STARD13: variants seen among roughly 807,000 people sequenced by gnomAD.
STARD13 encodes stAR-related lipid transfer protein 13.
In STARD13, 62 loss-of-function variants were observed where a neutral mutation model predicts 106.4. The observed-to-expected ratio is 0.58, with a 90% CI of 0.48 to 0.72. STARD13 has a LOEUF of 0.72. Among genes scored for constraint, STARD13 ranks in the 30% least tolerant of loss-of-function variants. STARD13 has a pLI of 0.00. For synonymous variants in STARD13, 565 were observed against 553.0 expected (o/e 1.02, Z -0.31); for missense variants, 1,387 against 1,424.0 (o/e 0.97, Z 0.42).
At chr13:33,503,333 C>G in the STARD13 span, among the ~76,000 whole-genome samples, 1 of 152,154 alleles carries the variant, frequency 6.6e-6, no homozygotes, top group Non-Finnish European at 1.5e-5. Flanking sequence ...AAAAAACCAG[C>G]TCCTGGATTC....
chr13:33,589,392 G>T, the STARD13 span, among the ~76,000 whole-genome samples: 1 of 152,060 alleles, frequency 6.6e-6, no homozygotes, highest in Admixed American at 6.5e-5. Context: ...TGTGATGTTA[G>T]GGTGTCAATT....
intron 3 of STARD13, among the ~76,000 whole-genome samples, chr13:33,142,729 T>G (rs1329961000): frequency 3.9e-5 from 6 of 152,236 alleles, no homozygotes; most frequent in Admixed American, 2.6e-4. Flanking sequence ...ATCAAGTCTA[T>G]CCCGTTAACC....
chr13:33,647,651 T>G, the STARD13 span, among the ~76,000 whole-genome samples: 3 of 152,212 alleles, frequency 2.0e-5, no homozygotes, highest in Non-Finnish European at 4.4e-5. Context: ...GTTTGACATA[T>G]CTAGGTTGTT....
chr13:33,407,388 G>A, the STARD13 span, among the ~76,000 whole-genome samples: 1 of 152,144 alleles, frequency 6.6e-6, no homozygotes, highest in South Asian at 2.1e-4. Context: ...GAGGTAAAGC[G>A]CTTCGGGTAC....
chr13:33,616,748 T>C, the STARD13 span, among the ~76,000 whole-genome samples: 171 of 152,352 alleles, frequency 1.1e-3, no homozygotes, highest in Middle Eastern at 0.014. Context: ...TATGCTGTAG[T>C]AATTAAGTAA....
chr13:33,601,766 A>G, the STARD13 span, among the ~76,000 whole-genome samples: 7 of 151,944 alleles, frequency 4.6e-5, no homozygotes, highest in African/African-American at 1.7e-4. Context: ...TCCTTTCACC[A>G]TGTTCCGGAG....
intron 1 of STARD13, among the ~76,000 whole-genome samples, chr13:33,329,947 G>GC (rs895294155): frequency 9.9e-5 from 15 of 151,946 alleles, no homozygotes; most frequent in Non-Finnish European, 1.9e-4. Flanking sequence ...CAAGTGATCC[G>GC]CCCCCATCAG....
chr13:33,285,609 G>C lies in STARD13; in HGVS notation c.30C>G (p.Ala10=), dbSNP rs1473783081. The C allele has an allele frequency of 6.2e-7, 1 of 1,613,508 alleles. No individual in the cohort carries two copies. Among genetic ancestry groups the C allele is most frequent in the East Asian group, 2.2e-5 (1 of 44,878 alleles). The part of the protein sequence containing the change: MFSQVPRTP[A]SGCYYLNSMT... ...TGGAATTTAGGTAGTAGCAGCCTGA[G>C]GCTGGGGTCCTGGGCACCTGACTGA... Residue 10 remains alanine, a synonymous_variant, in exon 1 of 14, where the codon GCC becomes GCG. Transcript: ENST00000336934.
chr13:33,415,292 C>T, the STARD13 span, among the ~76,000 whole-genome samples: 4 of 152,096 alleles, frequency 2.6e-5, no homozygotes, highest in Non-Finnish European at 4.4e-5. Context: ...GGCGTGAACC[C>T]GGGAGGCGGA....
downstream of STARD13, among the ~76,000 whole-genome samples, chr13:33,344,370 CA>C (rs1281840453): frequency 2.0e-5 from 3 of 151,960 alleles, no homozygotes; most frequent in East Asian, 1.9e-4. Context: ...AAAAAACAAA[CA>C]AAAAATGCTG....
intron 4 of STARD13, 25 bp downstream of exon 4, chr13:33,142,285 T>G (rs1299626351): frequency 1.9e-6 from 3 of 1,593,168 alleles, no homozygotes; most frequent in Non-Finnish European, 8.6e-7. Context: ...CATAGCCACA[T>G]TCTTATTAAG....
the STARD13 span, among the ~76,000 whole-genome samples, chr13:33,628,148 AACACACACACACACACACAC>A: frequency 7.5e-6 from 1 of 133,398 alleles, no homozygotes; most frequent in African/African-American, 3.0e-5. Context: ...TCTCTTGTAA[AACACACACACACACACACAC>A]ACACACACAC....
chr13:33,181,231 G>C (rs145205806), intron 1 of STARD13, among the ~76,000 whole-genome samples: 2 of 151,054 alleles, frequency 1.3e-5, no homozygotes, highest in East Asian at 3.9e-4. Flanking sequence ...GGAATTTGGA[G>C]ACATAGATAT....
At chr13:33,266,365 A>T (rs1890897127) in intron 1 of STARD13, among the ~76,000 whole-genome samples, 1 of 152,182 alleles carries the variant, frequency 6.6e-6, no homozygotes, top group South Asian at 2.1e-4. Context: ...CAGTCTGGCC[A>T]CTTCAAACCC....
chr13:33,355,487 G>A (rs1300320869), upstream of STARD13: 1 of 152,208 alleles, frequency 6.6e-6, no homozygotes, highest in Non-Finnish European at 1.5e-5. Context: ...ATTATTTCAT[G>A]TTGCTTGCAG....
intron 1 of STARD13, among the ~76,000 whole-genome samples, chr13:33,243,379 G>T (rs1432591351): frequency 1.3e-5 from 2 of 152,172 alleles, no homozygotes; most frequent in East Asian, 3.9e-4. Context: ...TCCTGCCAGT[G>T]TATGACCAAT....
chr13:33,635,383 G>T, the STARD13 span, among the ~76,000 whole-genome samples: 1 of 152,240 alleles, frequency 6.6e-6, no homozygotes, highest in Non-Finnish European at 1.5e-5. Context: ...TAGCAGGCCG[G>T]TTGTGGTGGC....
rs1458023673 is a variant in STARD13 at position 33,285,547 on chromosome 13, T to C, written c.92A>G (p.Asp31Gly). The change falls in exon 1 of 14, where the codon GAT (aspartate) becomes GGT (glycine). Residue 31 changes from aspartate to glycine, a missense_variant. Transcript: ENST00000336934. ...GTAAGGAGAGCGTCTTGTAGTCTGA[T>C]CAAATCGCAAGTACATCTCCTGGCC... The part of the protein sequence containing the change: ...PEGQEMYLRF[D>G]QTTRRSPYRM... 3 of 1,613,876 alleles carry C rather than the reference T, an allele frequency of 1.9e-6. No individual in the cohort carries two copies. Among genetic ancestry groups the C allele is most frequent in the East Asian group, 4.5e-5 (2 of 44,886 alleles).
chr13:33,549,308 G>A, the STARD13 span, among the ~76,000 whole-genome samples: 1 of 152,104 alleles, frequency 6.6e-6, no homozygotes, highest in Non-Finnish European at 1.5e-5. Flanking sequence ...CTGAAATCAA[G>A]TAATACACAT....
Sources: allele counts gnomAD v4.1 joint callset (sites outside exome capture counted in the v4.1 genomes callset), GRCh38; gene constraint gnomAD v4.1.1; transcripts MANE v1.5; gene names NCBI Gene and HGNC (gene_info 2026-07-23, HGNC 2026-07-21).